Variants in FAM107A observed in about 807,000 individuals in gnomAD.
The protein encoded by FAM107A is family with sequence similarity 107 member A, also known as actin-associated protein FAM107A.
A neutral mutation model predicts 13.7 loss-of-function variants in FAM107A; 19 were observed. That is an observed-to-expected ratio of 1.38 (90% confidence interval 0.97 to 2.03). The LOEUF is 2.03. Among genes scored for constraint, FAM107A ranks in the 30% most tolerant of loss-of-function variants. FAM107A has a pLI of 0.00. For missense variants in FAM107A, 203 were observed against 184.4 expected (o/e 1.10, Z -0.58); for synonymous variants, 82 against 74.5 (o/e 1.10, Z -0.52).
intron 1 of FAM107A, among the ~76,000 whole-genome samples, chr3:58,573,324 A>T (rs2063702518): frequency 6.6e-6 from 1 of 152,228 alleles, no homozygotes; most frequent in East Asian, 1.9e-4. Context: ...CTTTTAATTT[A>T]TTTAACCAAG....
At chr3:58,590,657 G>A (rs570602956), upstream of FAM107A, among the ~76,000 whole-genome samples, 31 of 152,158 alleles carry the variant, frequency 2.0e-4, no homozygotes, top group Admixed American at 5.9e-4. Flanking sequence ...GAGAGTGCAC[G>A]CAAGGAAGTG....
chr3:58,572,398 A>T (rs2063693250), intron 1 of FAM107A, among the ~76,000 whole-genome samples: 1 of 152,168 alleles, frequency 6.6e-6, no homozygotes, highest in Non-Finnish European at 1.5e-5. Context: ...AGGTGTGGTG[A>T]GGGCCTCTCT....
chr3:58,569,587 A>G lies in FAM107A; in HGVS notation c.170+104T>C, dbSNP rs554539452. The G allele has an allele frequency of 5.0e-5, 48 of 953,834 alleles. No individual in the cohort carries two copies. In the African/African-American group the frequency reaches 7.1e-4, roughly 14 times the overall value. The allele number at this position is 953,834 out of a possible 1,614,324, so 59.1% of individuals were successfully genotyped here. On this transcript the variant is annotated intron_variant, in intron 2 of 3. Transcript: ENST00000360997. The surrounding 1 kb of genome is among the most constrained non-coding windows in gnomAD (Gnocchi z 5.7). The stretch of plus-strand genomic sequence containing the variant: ...ACCTCAGCCTTCCTCAGTCTCCAGG[A>G]GCCCCAGGATGAAAGCCAGCTCTGC...
upstream of FAM107A, among the ~76,000 whole-genome samples, chr3:58,581,657 A>C (rs2065544298): frequency 1.3e-5 from 2 of 152,204 alleles, no homozygotes; most frequent in African/African-American, 4.8e-5. Flanking sequence ...GGGGAGAAGA[A>C]GCTGTGCTGG....
At chr3:58,594,634 A>G (rs565906916) in intron 1 of FAM107A, among the ~76,000 whole-genome samples, 4 of 152,130 alleles carry the variant, frequency 2.6e-5, no homozygotes, top group Non-Finnish European at 4.4e-5. Flanking sequence ...CCCAAAATCA[A>G]TTTGCAAATA....
intron 1 of FAM107A, chr3:58,573,481 C>A (rs1250967610): frequency 6.6e-6 from 1 of 152,334 alleles, no homozygotes; most frequent in African/African-American, 2.4e-5. Context: ...CCCAAGGCTT[C>A]TGGGCATCCC....
intron 3 of FAM107A, chr3:58,566,924 A>G: frequency 1.6e-6 from 1 of 607,684 alleles, no homozygotes; most frequent in South Asian, 2.0e-5. Context: ...CCCCATCTCT[A>G]AAATGGGAAT....
intron 1 of FAM107A, among the ~76,000 whole-genome samples, chr3:58,583,019 G>A (rs1015316466): frequency 3.3e-5 from 5 of 152,134 alleles, no homozygotes; most frequent in Non-Finnish European, 5.9e-5. Context: ...GGCTGGTCTC[G>A]AACACCTGAC....
At chr3:58,570,645 G>A (rs2063674644) in intron 1 of FAM107A, among the ~76,000 whole-genome samples, 1 of 117,756 alleles carries the variant, frequency 8.5e-6, no homozygotes, top group Non-Finnish European at 1.8e-5. Flanking sequence ...GAAAGAGACT[G>A]ACTTAAAAAA....
chr3:58,582,695 A>G (rs1479794149), upstream of FAM107A, among the ~76,000 whole-genome samples: 1 of 152,236 alleles, frequency 6.6e-6, no homozygotes, highest in Non-Finnish European at 1.5e-5. Flanking sequence ...TTTGAGGAAC[A>G]AAGGAGATAT....
At chr3:58,584,614 G>A (rs1402352055) in intron 1 of FAM107A, among the ~76,000 whole-genome samples, 2 of 152,168 alleles carry the variant, frequency 1.3e-5, no homozygotes, top group Non-Finnish European at 2.9e-5. Flanking sequence ...TCCTTCTGAG[G>A]CAGGAGAATA....
rs1441397054 is a variant in FAM107A, at chr3:58,569,618, TC to T, written c.170+72del. On this transcript the variant is annotated intron_variant, in intron 2 of 3. Coordinates refer to ENST00000360997, the MANE Select transcript of FAM107A (RefSeq NM_001076778.3). The surrounding 1 kb of genome is among the most constrained non-coding windows in gnomAD (Gnocchi z 5.7). ...AGGATGAAAGCCAGCTCTGCTTTCC[TC>T]CAGGGTCACCTTCCCCATCCCCCAC... is the stretch of plus-strand genomic sequence containing the variant. 1.5e-6 allele frequency: 2 copies of T among 1,334,238 alleles called. No individual in the cohort carries two copies. The highest frequency in any genetic ancestry group is 2.9e-5 in the African/African-American group (2 of 68,020). 82.6% of individuals were successfully genotyped at this position (1,334,238 alleles called of 1,614,324 possible). A position where few individuals can be genotyped will look rare whatever the true frequency, so the allele number is the denominator to read the frequency against.
rs534609284 is a variant in FAM107A at position 58,569,447 on chromosome 3, G to C, written c.170+244C>G. 6.6e-6 allele frequency among the ~76,000 whole-genome samples: 1 copy of C among 152,346 alleles called. No individual in the cohort carries two copies. The highest frequency in any genetic ancestry group is 1.9e-4 in the East Asian group (1 of 5,182). On this transcript the variant is annotated intron_variant, in intron 2 of 3. Coordinates refer to ENST00000360997, the MANE Select transcript of FAM107A (RefSeq NM_001076778.3). The surrounding 1 kb of genome is among the most constrained non-coding windows in gnomAD (Gnocchi z 5.7). ...TAGGTACTCAGTAAATGTATCTGGAGTGTGGGCATGAAATGGGTGGCTGGG... is the reference window on the plus strand; with the variant it reads ...TAGGTACTCAGTAAATGTATCTGGACTGTGGGCATGAAATGGGTGGCTGGG...
chr3:58,597,966 G>T (rs1200855627), intron 1 of FAM107A, among the ~76,000 whole-genome samples: 1 of 152,212 alleles, frequency 6.6e-6, no homozygotes, highest in East Asian at 1.9e-4. Context: ...GAGGCTCAGT[G>T]AGGTTAAGGA....
intron 1 of FAM107A, among the ~76,000 whole-genome samples, chr3:58,621,271 C>T (rs2065952444): frequency 6.6e-6 from 1 of 152,146 alleles, no homozygotes. Context: ...AGGAATGTGG[C>T]CTCCCATGCA....
At chr3:58,625,635 A>G (rs1292553398) in intron 1 of FAM107A, among the ~76,000 whole-genome samples, 1 of 152,188 alleles carries the variant, frequency 6.6e-6, no homozygotes, top group Non-Finnish European at 1.5e-5. Flanking sequence ...CTTATTGAAT[A>G]TGTATATTTG....
chr3:58,570,202 A>T, intron 1 of FAM107A: 1 of 268,220 alleles, frequency 3.7e-6, no homozygotes, highest in Non-Finnish European at 6.0e-6. Context: ...CTATAAAAGG[A>T]ATTATGTTTG....
chr3:58,624,861 A>G (rs1187544438), intron 1 of FAM107A, among the ~76,000 whole-genome samples: 1 of 152,196 alleles, frequency 6.6e-6, no homozygotes, highest in East Asian at 1.9e-4. Context: ...CCTGCCTATT[A>G]GTCTCTGCAA....
In FAM107A at chr3:58,622,078, G is replaced by A. The variant is rs541086775; in HGVS notation, c.-70+5338C>T. On this transcript the variant is annotated intron_variant, in intron 1 of 3. Transcript: ENST00000465970. ...GGCATGAAGGGCAGAGCAGCTTTGA[G>A]TGGTTCCCACCCAAGAAGTGGGTAC... 1.2e-3 allele frequency among the ~76,000 whole-genome samples: 189 copies of A among 152,350 alleles called. 4 individuals are homozygous for A. In the South Asian group the frequency reaches 0.038, roughly 31 times the overall value.
Sources: allele counts gnomAD v4.1 joint callset (sites outside exome capture counted in the v4.1 genomes callset), GRCh38; gene constraint gnomAD v4.1.1; non-coding constraint Gnocchi (gnomAD v3.1); transcripts MANE v1.5; gene names NCBI Gene and HGNC (gene_info 2026-07-23, HGNC 2026-07-21).